Variants in CERK observed in about 807,000 individuals in gnomAD.
The protein encoded by CERK is acylsphingosine kinase.
CERK carries 39 observed loss-of-function variants against 63.4 expected under a neutral mutation model. The observed-to-expected ratio is 0.61, with a 90% CI of 0.48 to 0.80. The LOEUF (loss-of-function observed/expected upper bound fraction) is 0.80. Ranked by LOEUF, CERK falls within the 30% of genes least tolerant of loss-of-function variation. The pLI is 0.00. For missense variants in CERK, 670 were observed against 714.1 expected (o/e 0.94, Z 0.70); for synonymous variants, 302 against 280.0 (o/e 1.08, Z -0.78).
chr22:46,703,702 C>T (rs1398269189), intron 6 of CERK, among the ~76,000 whole-genome samples: 1 of 152,214 alleles, frequency 6.6e-6, no homozygotes, highest in African/African-American at 2.4e-5. Context: ...AAGCCACCAG[C>T]GTTCTCACCG....
intron 1 of CERK, 49 bp from the exon 2 acceptor site, chr22:46,721,064 C>A: frequency 8.7e-7 from 1 of 1,142,880 alleles, no homozygotes; most frequent in East Asian, 2.4e-5. Context: ...AGAATCCACA[C>A]AGGTAAAATC....
chr22:46,709,534 C>T (rs1440632194), intron 5 of CERK, among the ~76,000 whole-genome samples: 1 of 152,196 alleles, frequency 6.6e-6, no homozygotes, highest in African/African-American at 2.4e-5. Flanking sequence ...CACCTGGGGG[C>T]AGGGGCTCCT....
At chr22:46,692,516 C>G (rs112961212) in intron 10 of CERK, among the ~76,000 whole-genome samples, 4 of 151,208 alleles carry the variant, frequency 2.6e-5, no homozygotes, top group Non-Finnish European at 5.9e-5. Context: ...GAAGGAGAAT[C>G]GCTTGAACCC....
At chr22:46,735,076 A>AACACACACAC (rs3083469) in intron 1 of CERK, 12 of 149,516 alleles carry the variant, frequency 8.0e-5, no homozygotes, top group African/African-American at 2.7e-4. Context: ...CTCACCCCCC[A>AACACACACAC]ACACACACAC....
intron 1 of CERK, among the ~76,000 whole-genome samples, chr22:46,728,316 C>T (rs1293393372): frequency 1.3e-5 from 2 of 152,118 alleles, no homozygotes; most frequent in Non-Finnish European, 2.9e-5. Flanking sequence ...GCTCCAGGAA[C>T]CCCGCTCTTC....
chr22:46,718,378 G>T (rs924316176), intron 3 of CERK, among the ~76,000 whole-genome samples: 1 of 152,140 alleles, frequency 6.6e-6, no homozygotes, highest in Non-Finnish European at 1.5e-5. Flanking sequence ...GGACGGAAAG[G>T]GGGAGTCGAG....
chr22:46,718,228 AC>A (rs150015268), intron 3 of CERK, among the ~76,000 whole-genome samples: 4,702 of 152,282 alleles, frequency 0.031, 249 homozygotes, highest in African/African-American at 0.11. Context: ...ATGAAAATGA[AC>A]CCACATTCTC....
At chr22:46,724,316 C>T (rs1352897930) in intron 1 of CERK, among the ~76,000 whole-genome samples, 3 of 152,204 alleles carry the variant, frequency 2.0e-5, no homozygotes, top group Admixed American at 2.0e-4. Context: ...CGGCTATTTA[C>T]ATTATCGCAA....
Position 46,714,746 on chromosome 22 carries a change from G to C in CERK, c.380-2453C>G, listed in dbSNP as rs564377566. Reference sequence around the variant, plus strand: ...CCAGAGAACAGAAAAAAACAAACACGTATGAACTCTTTGTATGACACACCA... The same window carrying C: ...CCAGAGAACAGAAAAAAACAAACACCTATGAACTCTTTGTATGACACACCA... On this transcript the variant is annotated intron_variant, in intron 3 of 12. Transcript: ENST00000216264. This position sits in a 1 kb window ranked among gnomAD's most constrained non-coding sequence, Gnocchi z 4.4. Among the ~76,000 whole-genome samples the C allele has an allele frequency of 6.6e-6, 1 of 152,034 alleles. No homozygotes were observed. Among genetic ancestry groups the C allele is most frequent in the Admixed American group, 6.5e-5 (1 of 15,268 alleles).
At chr22:46,704,824 C>CAAAAA (rs11431926) in intron 6 of CERK, among the ~76,000 whole-genome samples, 2 of 83,684 alleles carry the variant, frequency 2.4e-5, no homozygotes, top group African/African-American at 9.3e-5. Flanking sequence ...GACTCCATCT[C>CAAAAA]AAAAAAAAAA....
At chr22:46,699,252 C>T (rs558949399) in intron 8 of CERK, 61 bp downstream of exon 8, 9 of 1,553,068 alleles carry the variant, frequency 5.8e-6, no homozygotes, top group East Asian at 2.2e-5. Flanking sequence ...AGTCAGGTAA[C>T]ATCTGTGAAG....
chr22:46,702,295 AT>A (rs35697750), intron 6 of CERK, among the ~76,000 whole-genome samples: 102,200 of 126,178 alleles, frequency 0.81, 41,819 homozygotes, highest in African/African-American at 0.94. Context: ...GCATAACAAA[AT>A]TTTTTTTTTT....
At chr22:46,700,951 C>T (rs892675866) in intron 7 of CERK, among the ~76,000 whole-genome samples, 1 of 151,058 alleles carries the variant, frequency 6.6e-6, no homozygotes, top group Non-Finnish European at 1.5e-5. Flanking sequence ...GTGGAAGTTG[C>T]GGTGAGCCAA....
At chr22:46,690,515 A>G (rs2062755380) in intron 11 of CERK, among the ~76,000 whole-genome samples, 1 of 152,164 alleles carries the variant, frequency 6.6e-6, no homozygotes, top group Non-Finnish European at 1.5e-5. Flanking sequence ...GCTTATCTAC[A>G]ATGACGAACG....
chr22:46,696,396 C>G (rs16995586), intron 8 of CERK, among the ~76,000 whole-genome samples: 6,365 of 152,236 alleles, frequency 0.042, 221 homozygotes, highest in African/African-American at 0.078. Context: ...GTCGTGTCCA[C>G]GGCCCTGGGA....
At chr22:46,729,819 C>A (rs1459791939) in intron 1 of CERK, among the ~76,000 whole-genome samples, 2 of 151,876 alleles carry the variant, frequency 1.3e-5, no homozygotes, top group Non-Finnish European at 2.9e-5. Context: ...GCAGGTGAAT[C>A]ACGAGGGCAG....
At chr22:46,689,599 C>T (rs1351010047) in intron 12 of CERK, among the ~76,000 whole-genome samples, 2 of 152,222 alleles carry the variant, frequency 1.3e-5, no homozygotes, top group East Asian at 1.9e-4. Flanking sequence ...GTCTTGAACT[C>T]CTGATCTCAA....
chr22:46,710,497 GCAGAGATTTTAAAATGTTAATCTC>G (rs2082835388), intron 5 of CERK, among the ~76,000 whole-genome samples: 1 of 151,920 alleles, frequency 6.6e-6, no homozygotes, highest in Non-Finnish European at 1.5e-5. Context: ...GCTGTACACG[GCAGAGATTTTAAAATGTTAATCTC>G]CTATGACTAA....
At chr22:46,702,023 A>G (rs912861061) in intron 6 of CERK, among the ~76,000 whole-genome samples, 6 of 151,994 alleles carry the variant, frequency 3.9e-5, no homozygotes, top group Non-Finnish European at 8.8e-5. Flanking sequence ...TCTACTAAAA[A>G]TACAAAAATT....
Sources: gnomAD v4.1 joint callset for allele counts (sites outside exome capture counted in the v4.1 genomes callset) on GRCh38, gnomAD v4.1.1 for gene constraint, Gnocchi (gnomAD v3.1) non-coding constraint, MANE v1.5 for transcripts, NCBI Gene and HGNC (gene_info 2026-07-23, HGNC 2026-07-21) for gene names.